The following CYP4Z1 variants were observed in gnomAD, a reference collection of about 807,000 sequenced individuals.
CYP4Z1 encodes cytochrome P450 4Z1.
Under a neutral mutation model 54.2 loss-of-function variants are expected in CYP4Z1, and 41 were observed. The observed-to-expected ratio is 0.76, with a 90% CI of 0.59 to 0.98. The LOEUF (loss-of-function observed/expected upper bound fraction) is 0.98, where lower values mean the gene tolerates loss of function less well. Ranked by LOEUF, CYP4Z1 falls within the 50% of genes least tolerant of loss-of-function variation. CYP4Z1 has a pLI of 0.00. For synonymous variants in CYP4Z1, 163 were observed against 206.2 expected, an observed-to-expected ratio of 0.79 and a Z score of 1.79; for missense variants, 513 against 599.0, an observed-to-expected ratio of 0.86 and a Z score of 1.50.
rs568173566 is a variant in CYP4Z1 at position 47,116,661 on chromosome 1, C to T, written c.1278C>T (p.Pro426=). Residue 426 remains proline, a synonymous_variant, in exon 11 of 12, where the codon CCC becomes CCT. Transcript: ENST00000334194. The part of the protein sequence containing the change: ...YFWEDPQVFN[P]LRFSRENSEK... ...CACTCTCATTACAGGTCTTTAACCC[C>T]TTGAGATTCTCCAGGGAAAATTCTG... is the stretch of plus-strand genomic sequence containing the variant. The T allele has an allele frequency of 2.1e-5, 33 of 1,609,624 alleles. No individual in the cohort carries two copies. The highest frequency in any genetic ancestry group is 8.5e-6 in the Non-Finnish European group (10 of 1,176,682).
intron 2 of CYP4Z1, among the ~76,000 whole-genome samples, chr1:47,069,255 C>T (rs1002733844): frequency 2.0e-5 from 3 of 152,250 alleles, no homozygotes; most frequent in Admixed American, 1.3e-4. Context: ...GTGGGAATTC[C>T]GTGGAATTGC....
chr1:47,062,181 A>G, the CYP4Z1 span, among the ~76,000 whole-genome samples: 4 of 152,116 alleles, frequency 2.6e-5, no homozygotes, highest in Admixed American at 2.6e-4. Context: ...TCCTGGCCAA[A>G]GCAATCAGGC....
intron 8 of CYP4Z1, among the ~76,000 whole-genome samples, chr1:47,103,595 C>CTTTTTTTTTTTTTTTTTTTT (rs373166937): frequency 4.6e-4 from 44 of 95,966 alleles, no homozygotes; most frequent in Non-Finnish European, 6.1e-4. Context: ...TCTTTTTTTT[C>CTTTTTTTTTTTTTTTTTTTT]TTTTTTTTTT....
At chr1:47,105,779 C>T (rs560349785) in intron 8 of CYP4Z1, among the ~76,000 whole-genome samples, 1 of 152,102 alleles carries the variant, frequency 6.6e-6, no homozygotes, top group Admixed American at 6.6e-5. Context: ...TCTAAAGAGG[C>T]AGAAATACTT....
chr1:47,083,177 C>T (rs188170497), intron 4 of CYP4Z1, among the ~76,000 whole-genome samples: 6 of 152,110 alleles, frequency 3.9e-5, no homozygotes, highest in African/African-American at 1.4e-4. Context: ...GATCTCAATC[C>T]TAGTCACAAA....
the CYP4Z1 span, among the ~76,000 whole-genome samples, chr1:47,056,698 T>C: frequency 6.6e-6 from 1 of 151,888 alleles, no homozygotes; most frequent in Non-Finnish European, 1.5e-5. Context: ...CTCTTTTGAT[T>C]TTTGTTGGTT....
chr1:47,092,147 CA>C (rs1164547503), intron 6 of CYP4Z1, among the ~76,000 whole-genome samples: 1 of 151,922 alleles, frequency 6.6e-6, no homozygotes, highest in Non-Finnish European at 1.5e-5. Flanking sequence ...ACAGGCTGGA[CA>C]GGGTCACGCT....
chr1:47,102,169 C>T (rs1644726320), intron 8 of CYP4Z1, among the ~76,000 whole-genome samples: 1 of 152,096 alleles, frequency 6.6e-6, no homozygotes, highest in African/African-American at 2.4e-5. Flanking sequence ...TTCTTGTATA[C>T]AGCATATAGT....
rs558614359 is a variant in CYP4Z1 at position 47,106,514 on chromosome 1, A to G, written c.1201+253A>G. On this transcript the variant is annotated intron_variant, in intron 9 of 11. Coordinates refer to ENST00000334194, the MANE Select transcript of CYP4Z1 (RefSeq NM_178134.3). Reference sequence around the variant, plus strand: ...GGTGAGGGGGCCTTCGTGAAGCATCACGGCTTTAATGCTGAAACTTAAAGG... The same window carrying G: ...GGTGAGGGGGCCTTCGTGAAGCATCGCGGCTTTAATGCTGAAACTTAAAGG... Among the ~76,000 whole-genome samples the G allele has an allele frequency of 2.6e-3, 397 of 152,140 alleles. 2 individuals carry two copies. Among genetic ancestry groups the G allele is most frequent in the Non-Finnish European group, 3.8e-3 (259 of 68,010 alleles).
At chr1:47,090,642 A>T (rs1181743078) in intron 6 of CYP4Z1, among the ~76,000 whole-genome samples, 1 of 152,244 alleles carries the variant, frequency 6.6e-6, no homozygotes, top group Non-Finnish European at 1.5e-5. Context: ...ACTGAGTAAG[A>T]TAAGTAGCCG....
chr1:47,074,100 C>A (rs1212374422), intron 2 of CYP4Z1, among the ~76,000 whole-genome samples: 3 of 152,190 alleles, frequency 2.0e-5, no homozygotes, highest in Admixed American at 2.0e-4. Flanking sequence ...GGTCTTTAGT[C>A]CTTTTTTTGG....
chr1:47,084,554 T>TA, intron 4 of CYP4Z1, 66 bp from the exon 5 acceptor site: 3 of 1,550,062 alleles, frequency 1.9e-6, no homozygotes, highest in Non-Finnish European at 2.6e-6. Flanking sequence ...AAAAGGGACA[T>TA]AAAATAACTT....
At chr1:47,088,561 T>C (rs542487676) in intron 6 of CYP4Z1, among the ~76,000 whole-genome samples, 2,650 of 151,686 alleles carry the variant, frequency 0.017, 79 homozygotes, top group African/African-American at 0.061. Context: ...CATTTTTTTT[T>C]CGTCTATTTG....
intron 7 of CYP4Z1, among the ~76,000 whole-genome samples, chr1:47,098,120 T>A (rs1644691985): frequency 6.6e-6 from 1 of 152,186 alleles, no homozygotes; most frequent in South Asian, 2.1e-4. Flanking sequence ...CCCAGCCCCA[T>A]ATGAATTTTA....
the CYP4Z1 span, among the ~76,000 whole-genome samples, chr1:47,061,803 T>A: frequency 2.0e-5 from 3 of 152,100 alleles, no homozygotes; most frequent in African/African-American, 7.2e-5. Context: ...TGCAAACCAA[T>A]TTCAGCAGCA....
At chr1:47,083,145 A>T (rs1252436793) in intron 4 of CYP4Z1, among the ~76,000 whole-genome samples, 1 of 152,034 alleles carries the variant, frequency 6.6e-6, no homozygotes, top group East Asian at 1.9e-4. Context: ...CCAGGCATGG[A>T]GTAAAGCAAT....
At chr1:47,095,364 C>G (rs375466972) in intron 7 of CYP4Z1, among the ~76,000 whole-genome samples, 1 of 152,102 alleles carries the variant, frequency 6.6e-6, no homozygotes, top group Non-Finnish European at 1.5e-5. Context: ...TCCTGTTTCC[C>G]TAGTGATTAG....
At chr1:47,113,198 G>A (rs1035177013) in intron 9 of CYP4Z1, among the ~76,000 whole-genome samples, 1 of 152,138 alleles carries the variant, frequency 6.6e-6, no homozygotes, top group East Asian at 1.9e-4. Flanking sequence ...AATTTCTCAT[G>A]CTTTCTCAAG....
intron 9 of CYP4Z1, among the ~76,000 whole-genome samples, chr1:47,114,971 G>C (rs577089154): frequency 6.6e-6 from 1 of 152,038 alleles, no homozygotes; most frequent in African/African-American, 2.4e-5. Context: ...ATTATAAATC[G>C]TGCCGCTATA....
Sources: allele counts gnomAD v4.1 joint callset (sites outside exome capture counted in the v4.1 genomes callset), GRCh38; gene constraint gnomAD v4.1.1; transcripts MANE v1.5; gene names NCBI Gene and HGNC (gene_info 2026-07-23, HGNC 2026-07-21).